The following AUTS2 variants were observed in gnomAD, a reference collection of about 807,000 sequenced individuals.
The protein encoded by AUTS2 is activator of transcription and developmental regulator AUTS2.
In AUTS2, 17 loss-of-function variants were observed where a neutral mutation model predicts 112.4. The ratio of observed to expected loss-of-function variants is 0.15; its 90% CI spans 0.10 to 0.23. AUTS2 has a LOEUF of 0.23. Ranked by LOEUF, AUTS2 falls within the 10% of genes least tolerant of loss-of-function variation. The probability of loss-of-function intolerance (pLI) is 1.00; values close to 1 mark genes in which losing one functional copy is unlikely to be tolerated. For missense variants in AUTS2, 1,510 were observed against 1,701.6 expected (o/e 0.89, Z 1.98); for synonymous variants, 751 against 702.7 (o/e 1.07, Z -1.09).
chr7:69,859,227 A>G (rs921306421), intron 1 of AUTS2, among the ~76,000 whole-genome samples: 5 of 152,208 alleles, frequency 3.3e-5, no homozygotes, highest in Non-Finnish European at 7.3e-5. Context: ...TCACTTAAGG[A>G]TTGTTTAAAA....
intron 1 of AUTS2, among the ~76,000 whole-genome samples, chr7:69,638,157 T>C (rs531799054): frequency 1.1e-4 from 17 of 152,322 alleles, no homozygotes; most frequent in African/African-American, 3.1e-4. Flanking sequence ...TAGCTGGGAC[T>C]ACAGGTGCAT....
intron 4 of AUTS2, among the ~76,000 whole-genome samples, chr7:70,398,817 T>C (rs949586190): frequency 3.3e-5 from 5 of 152,156 alleles, no homozygotes; most frequent in African/African-American, 9.7e-5. Flanking sequence ...TTGTTCACCA[T>C]AAGTATGATG....
chr7:70,007,359 C>T (rs1427071619), intron 2 of AUTS2, among the ~76,000 whole-genome samples: 6 of 152,244 alleles, frequency 3.9e-5, no homozygotes, highest in Admixed American at 2.0e-4. Context: ...ACAAAGTCAT[C>T]CATAATTCCT....
intron 5 of AUTS2, among the ~76,000 whole-genome samples, chr7:70,619,994 C>T (rs745534894): frequency 6.6e-6 from 1 of 152,146 alleles, no homozygotes; most frequent in South Asian, 2.1e-4. Flanking sequence ...GTCCTGTTGC[C>T]GAGAAGCGCT....
intron 2 of AUTS2, among the ~76,000 whole-genome samples, chr7:70,097,169 T>TATTATATATGAGATTAG (rs1804248666): frequency 6.6e-6 from 1 of 152,206 alleles, no homozygotes; most frequent in Non-Finnish European, 1.5e-5. Flanking sequence ...TTATATGAGA[T>TATTATATATGAGATTAG]TACACTGGGT....
chr7:69,683,668 G>A (rs1377828165), intron 1 of AUTS2, among the ~76,000 whole-genome samples: 5 of 151,890 alleles, frequency 3.3e-5, no homozygotes, highest in South Asian at 2.1e-4. Context: ...AGGCTGAGGC[G>A]GGTGGATCAC....
At position 70,231,041 on chromosome 7, in the gene AUTS2, G is replaced by A. The variant is rs113153553; in HGVS notation, c.660+96470G>A. The stretch of plus-strand genomic sequence containing the variant: ...CTCTCACTGTTGTCAATGAGGTTCG[G>A]TGAGTTTTCTTGAAGAAACACTTCT... On this transcript the variant is annotated intron_variant, in intron 4 of 18. Transcript: ENST00000342771. Among the ~76,000 whole-genome samples the A allele has an allele frequency of 1.6e-3, 243 of 152,332 alleles. 6 individuals carry two copies. The highest frequency in any genetic ancestry group is 5.5e-3 in the African/African-American group (229 of 41,586).
intron 6 of AUTS2, among the ~76,000 whole-genome samples, chr7:70,713,586 A>G (rs1432267337): frequency 6.6e-6 from 1 of 152,192 alleles, no homozygotes; most frequent in Non-Finnish European, 1.5e-5. Context: ...AAAATTAGCT[A>G]GAGGACTTGT....
At chr7:69,689,054 C>A (rs1189558050) in intron 1 of AUTS2, among the ~76,000 whole-genome samples, 1 of 152,062 alleles carries the variant, frequency 6.6e-6, no homozygotes, top group Non-Finnish European at 1.5e-5. Context: ...GAGATTAAGG[C>A]GAGTGTCTTG....
At chr7:70,455,040 C>A (rs1225183107) in intron 5 of AUTS2, among the ~76,000 whole-genome samples, 1 of 152,178 alleles carries the variant, frequency 6.6e-6, no homozygotes, top group African/African-American at 2.4e-5. Flanking sequence ...CCTTGTCAGC[C>A]ACACCCACCA....
chr7:69,955,416 G>T (rs989637090), intron 2 of AUTS2, among the ~76,000 whole-genome samples: 23 of 152,126 alleles, frequency 1.5e-4, no homozygotes, highest in African/African-American at 5.5e-4. Context: ...ATCATCTGTT[G>T]TGCTGAACCT....
chr7:70,129,855 TC>T (rs1320357435), intron 3 of AUTS2, among the ~76,000 whole-genome samples: 1 of 152,030 alleles, frequency 6.6e-6, no homozygotes, highest in African/African-American at 2.4e-5. Context: ...CTTGATTTCT[TC>T]CAACAACTAT....
rs1185269948 is a variant in AUTS2 at position 70,694,645 on chromosome 7, G to C, written c.691-3924G>C. The C allele has an allele frequency of 6.8e-6, 1 of 148,058 alleles. No homozygotes were observed. 9.2% of individuals were successfully genotyped at this position (148,058 alleles called of 1,614,324 possible). A position where few individuals can be genotyped will look rare whatever the true frequency, so the allele number is the denominator to read the frequency against. On this transcript the variant is annotated intron_variant, in intron 5 of 18. Coordinates refer to ENST00000342771, the MANE Select transcript of AUTS2 (RefSeq NM_015570.4). This position sits in a 1 kb window ranked among gnomAD's most constrained non-coding sequence, Gnocchi z 4.1. ...GCCTCGCCCTCCCGCCGGCCGGCCC[G>C]GGACGCGCCTTGTTAGCCCCCGCCG... is the stretch of plus-strand genomic sequence containing the variant.
At chr7:70,081,387 T>TA (rs57155688) in intron 2 of AUTS2, among the ~76,000 whole-genome samples, 4,551 of 88,756 alleles carry the variant, frequency 0.051, 131 homozygotes, top group Non-Finnish European at 0.074. Context: ...CCCGTCTCTA[T>TA]AAAAAAAAAA....
intron 1 of AUTS2, among the ~76,000 whole-genome samples, chr7:69,722,665 C>T (rs1036603175): frequency 6.6e-6 from 1 of 152,092 alleles, no homozygotes; most frequent in Non-Finnish European, 1.5e-5. Flanking sequence ...GCTATGTGGC[C>T]TTGTGCATTT....
chr7:70,479,649 T>A (rs1025794562), intron 5 of AUTS2, among the ~76,000 whole-genome samples: 3 of 149,788 alleles, frequency 2.0e-5, no homozygotes, highest in African/African-American at 4.9e-5. Flanking sequence ...AAAAAAAAAA[T>A]GATGCCAAAG....
intron 4 of AUTS2, among the ~76,000 whole-genome samples, chr7:70,137,785 T>C (rs1289939752): frequency 1.3e-5 from 2 of 152,184 alleles, no homozygotes; most frequent in African/African-American, 4.8e-5. Context: ...CACACAATCG[T>C]GTGTGATGGA....
At chr7:69,784,176 A>G (rs1438854348) in intron 1 of AUTS2, among the ~76,000 whole-genome samples, 1 of 152,220 alleles carries the variant, frequency 6.6e-6, no homozygotes, top group Non-Finnish European at 1.5e-5. Flanking sequence ...TCGTCAGGCT[A>G]TTGCAGAAAA....
At position 70,695,227 on chromosome 7, in the gene AUTS2, C is replaced by G. The variant is rs374991416; in HGVS notation, c.691-3342C>G. ...ACCCCTCCTCCCTTCTTTCCTCCCC[C>G]CTCTGCGGCCCTGTCGCCCGCCTTT... is the stretch of plus-strand genomic sequence containing the variant. On this transcript the variant is annotated intron_variant, in intron 5 of 18. Transcript: ENST00000342771. 3.0e-4 allele frequency among the ~76,000 whole-genome samples: 46 copies of G among 152,294 alleles called. No individual in the cohort carries two copies. In the East Asian group the frequency reaches 6.0e-3, roughly 20 times the overall value.
Sources: gnomAD v4.1 joint callset for allele counts (sites outside exome capture counted in the v4.1 genomes callset) on GRCh38, gnomAD v4.1.1 for gene constraint, Gnocchi (gnomAD v3.1) non-coding constraint, MANE v1.5 for transcripts, NCBI Gene and HGNC (gene_info 2026-07-23, HGNC 2026-07-21) for gene names.